CNTLN: variants seen among roughly 807,000 people sequenced by gnomAD.
The protein encoded by CNTLN is centlein.
In CNTLN, 212 loss-of-function variants were observed where a neutral mutation model predicts 180.0. The observed-to-expected ratio is 1.18, with a 90% confidence interval of 1.05 to 1.32. CNTLN has a LOEUF of 1.32. Among genes scored for constraint, CNTLN ranks in the 40% most tolerant of loss-of-function variants. CNTLN has a pLI of 0.00. For synonymous variants in CNTLN, 722 were observed against 563.1 expected (o/e 1.28, Z -3.99); for missense variants, 2,095 against 1,610.9 (o/e 1.30, Z -5.14).
At chr9:17,419,744 G>A (rs1828558990) in intron 18 of CNTLN, among the ~76,000 whole-genome samples, 1 of 152,042 alleles carries the variant, frequency 6.6e-6, no homozygotes, top group Non-Finnish European at 1.5e-5. Context: ...GATAGAAAAT[G>A]TGATAAATAA....
In CNTLN at chr9:17,363,125, C is replaced by T. The variant is rs1587780292; in HGVS notation, c.1887-3492C>T. On this transcript the variant is annotated intron_variant, in intron 12 of 25. Coordinates refer to ENST00000380647, the MANE Select transcript of CNTLN (RefSeq NM_017738.4). ...GTATATGTGCCACATGTTCTTTATC[C>T]AGTCTATCATTGATGGGCATTTGGG... is the stretch of plus-strand genomic sequence containing the variant. Among the ~76,000 whole-genome samples the T allele has an allele frequency of 3.3e-5, 5 of 152,282 alleles. No individual in the cohort carries two copies. The East Asian group carries it at 9.6e-4, about 29-fold the overall frequency.
At chr9:17,236,379 T>A (rs1347353575) in intron 4 of CNTLN, 30 bp from the exon 5 acceptor site, 1 of 1,519,888 alleles carries the variant, frequency 6.6e-7, no homozygotes, top group Admixed American at 2.3e-5. Context: ...TTTTGTTTTA[T>A]TTATTTGCCC....
intron 5 of CNTLN, among the ~76,000 whole-genome samples, chr9:17,260,396 A>C (rs1428728895): frequency 6.6e-6 from 1 of 151,052 alleles, no homozygotes; most frequent in Admixed American, 6.6e-5. Flanking sequence ...TTACTTCCAA[A>C]TATGTGGCCA....
intron 2 of CNTLN, among the ~76,000 whole-genome samples, chr9:17,162,266 C>T (rs1214476686): frequency 6.6e-6 from 1 of 152,154 alleles, no homozygotes; most frequent in Non-Finnish European, 1.5e-5. Context: ...AGACACCCAC[C>T]ACCGTGCCCA....
chr9:17,440,282 C>T (rs1315959840), intron 18 of CNTLN, among the ~76,000 whole-genome samples: 1 of 151,798 alleles, frequency 6.6e-6, no homozygotes. Context: ...TTTAAGAGAA[C>T]TGAAAACACG....
At chr9:17,471,839 C>T (rs1258514391) in intron 23 of CNTLN, among the ~76,000 whole-genome samples, 2 of 151,872 alleles carry the variant, frequency 1.3e-5, no homozygotes, top group South Asian at 2.1e-4. Flanking sequence ...GGAAGTAGCA[C>T]CCAGTGTTGA....
chr9:17,511,631 ATC>A, the CNTLN span, among the ~76,000 whole-genome samples: 5 of 143,368 alleles, frequency 3.5e-5, no homozygotes, highest in African/African-American at 5.2e-5. Context: ...AACTTGCTTT[ATC>A]TCTCTCTCTC....
intron 5 of CNTLN, among the ~76,000 whole-genome samples, chr9:17,251,790 C>T (rs763994658): frequency 9.2e-5 from 14 of 151,682 alleles, no homozygotes; most frequent in Non-Finnish European, 1.8e-4. Flanking sequence ...TGACGTTGTT[C>T]CCAAGTATAG....
At chr9:17,509,434 C>T in the CNTLN span, among the ~76,000 whole-genome samples, 4 of 152,308 alleles carry the variant, frequency 2.6e-5, no homozygotes, top group African/African-American at 7.2e-5. Flanking sequence ...CCTTATCCAC[C>T]ACCATGGCAT....
chr9:17,287,503 A>T (rs1362142806), intron 6 of CNTLN, among the ~76,000 whole-genome samples: 1 of 151,322 alleles, frequency 6.6e-6, no homozygotes, highest in Non-Finnish European at 1.5e-5. Flanking sequence ...CTTTGGTATC[A>T]GAATGATGCT....
chr9:17,177,303 G>A (rs140682451), intron 2 of CNTLN, among the ~76,000 whole-genome samples: 2,063 of 152,168 alleles, frequency 0.014, 50 homozygotes, highest in African/African-American at 0.047. Context: ...CAGCTGCTCT[G>A]GAGGCTGAGG....
intron 23 of CNTLN, among the ~76,000 whole-genome samples, chr9:17,472,747 A>G (rs1210416991): frequency 1.3e-5 from 2 of 152,172 alleles, no homozygotes; most frequent in Non-Finnish European, 2.9e-5. Flanking sequence ...AAATGTTCCC[A>G]CTAAGAAACA....
At chr9:17,481,752 C>T (rs1014969083) in intron 23 of CNTLN, among the ~76,000 whole-genome samples, 7 of 152,196 alleles carry the variant, frequency 4.6e-5, no homozygotes, top group African/African-American at 1.7e-4. Flanking sequence ...GTGATCCTGC[C>T]CAACAGGAAG....
chr9:17,386,303 A>T (rs927378883), intron 13 of CNTLN, among the ~76,000 whole-genome samples: 1 of 152,082 alleles, frequency 6.6e-6, no homozygotes, highest in Non-Finnish European at 1.5e-5. Flanking sequence ...ATGAATAAGC[A>T]AAATTAAAGG....
intron 2 of CNTLN, among the ~76,000 whole-genome samples, chr9:17,149,403 A>G (rs1335316247): frequency 6.6e-6 from 1 of 152,038 alleles, no homozygotes; most frequent in Non-Finnish European, 1.5e-5. Context: ...ACTATCTTCC[A>G]CAATGGTTGA....
intron 2 of CNTLN, among the ~76,000 whole-genome samples, chr9:17,218,576 G>T (rs1348506318): frequency 6.6e-6 from 1 of 152,034 alleles, no homozygotes; most frequent in African/African-American, 2.4e-5. Context: ...TACTGTTTTA[G>T]AATCTTAGTG....
At chr9:17,428,390 C>T (rs1317207030) in intron 18 of CNTLN, among the ~76,000 whole-genome samples, 1 of 152,144 alleles carries the variant, frequency 6.6e-6, no homozygotes, top group Non-Finnish European at 1.5e-5. Context: ...ATTTAATTTT[C>T]ACAACATCCC....
intron 5 of CNTLN, among the ~76,000 whole-genome samples, chr9:17,237,353 CTACACA>C (rs1487670750): frequency 1.0e-5 from 1 of 100,000 alleles, no homozygotes; most frequent in Admixed American, 1.2e-4. Context: ...GTATATGCCC[CTACACA>C]CACACACACA....
chr9:17,202,334 T>C (rs1822588655), intron 2 of CNTLN, among the ~76,000 whole-genome samples: 2 of 152,192 alleles, frequency 1.3e-5, no homozygotes, highest in African/African-American at 4.8e-5. Flanking sequence ...GAGGGTTCTG[T>C]AGATGTCTGT....
Sources: allele counts gnomAD v4.1 joint callset (sites outside exome capture counted in the v4.1 genomes callset), GRCh38; gene constraint gnomAD v4.1.1; transcripts MANE v1.5; gene names NCBI Gene and HGNC (gene_info 2026-07-23, HGNC 2026-07-21).